The following DNER variants were observed in gnomAD, a reference collection of about 807,000 sequenced individuals.
DNER encodes delta/notch like EGF repeat containing.
A neutral mutation model predicts 78.2 loss-of-function variants in DNER; 33 were observed. The ratio of observed to expected loss-of-function variants is 0.42; its 90% CI spans 0.32 to 0.56. The LOEUF (loss-of-function observed/expected upper bound fraction) is 0.56, where lower values mean the gene tolerates loss of function less well. DNER is among the 20% of genes least tolerant of loss of function. DNER has a pLI of 0.11. For synonymous variants in DNER, 417 were observed against 384.8 expected, an observed-to-expected ratio of 1.08 and a Z score of -0.98; for missense variants, 918 against 975.3, an observed-to-expected ratio of 0.94 and a Z score of 0.78.
chr2:229,499,444 CA>C (rs777417272), intron 6 of DNER, among the ~76,000 whole-genome samples: 330 of 74,778 alleles, frequency 4.4e-3, no homozygotes, highest in Middle Eastern at 0.021. Flanking sequence ...GACTCCAACT[CA>C]AAAAAAAAAA....
rs201567669 is a variant in DNER, at chr2:229,582,797, G to A, written c.847+3061C>T. Among the ~76,000 whole-genome samples, 16 of 152,012 alleles carry A rather than the reference G, an allele frequency of 1.1e-4. No individual in the cohort carries two copies. The East Asian group carries it at 1.7e-3, about 17-fold the overall frequency. ...TGGGACTACAAGTGCCCATCACCAC[G>A]CCCGGCTAATTTCTTGTATTTTTAG... On this transcript the variant is annotated intron_variant, in intron 4 of 12. Coordinates refer to ENST00000341772, the MANE Select transcript of DNER (RefSeq NM_139072.4).
intron 1 of DNER, among the ~76,000 whole-genome samples, chr2:229,630,812 C>T (rs570759300): frequency 3.3e-5 from 5 of 152,154 alleles, no homozygotes; most frequent in African/African-American, 1.2e-4. Context: ...CTCTTGTAGT[C>T]CCCAATGTCT....
chr2:229,581,138 T>G (rs1697389209), intron 4 of DNER, among the ~76,000 whole-genome samples: 1 of 152,084 alleles, frequency 6.6e-6, no homozygotes, highest in South Asian at 2.1e-4. Context: ...CCAAAGGAAA[T>G]GGTGACCTTC....
intron 8 of DNER, among the ~76,000 whole-genome samples, chr2:229,446,607 G>T (rs1694348506): frequency 6.6e-6 from 1 of 152,186 alleles, no homozygotes; most frequent in Non-Finnish European, 1.5e-5. Context: ...GACATACACA[G>T]AATAGAAACG....
intron 10 of DNER, among the ~76,000 whole-genome samples, chr2:229,400,260 A>T (rs1218193538): frequency 1.3e-5 from 2 of 152,084 alleles, no homozygotes. Flanking sequence ...ATAGACAAAG[A>T]TAACTACATC....
chr2:229,421,329 A>G (rs1693758512), intron 8 of DNER, among the ~76,000 whole-genome samples: 1 of 152,144 alleles, frequency 6.6e-6, no homozygotes, highest in Admixed American at 6.6e-5. Flanking sequence ...CAAGATGAAT[A>G]AGTTCCAGAT....
intron 1 of DNER, among the ~76,000 whole-genome samples, chr2:229,712,160 C>T (rs1427695014): frequency 6.6e-6 from 1 of 152,216 alleles, no homozygotes; most frequent in Non-Finnish European, 1.5e-5. Context: ...GGTGTTCACA[C>T]AGCTAAGCCT....
intron 1 of DNER, among the ~76,000 whole-genome samples, chr2:229,632,023 G>A (rs915821351): frequency 2.0e-4 from 30 of 152,258 alleles, no homozygotes; most frequent in Admixed American, 8.5e-4. Context: ...AATAAACTCT[G>A]CACTACAGAA....
At chr2:229,589,002 G>A (rs1418638016) in intron 2 of DNER, among the ~76,000 whole-genome samples, 1 of 152,220 alleles carries the variant, frequency 6.6e-6, no homozygotes, top group Non-Finnish European at 1.5e-5. Flanking sequence ...GAGCTTGAAC[G>A]CTGCCTTTCT....
At chr2:229,567,530 A>G (rs1369307643) in intron 4 of DNER, among the ~76,000 whole-genome samples, 4 of 152,208 alleles carry the variant, frequency 2.6e-5, no homozygotes, top group Admixed American at 6.5e-5. Flanking sequence ...AGTGATGAGA[A>G]CCAACTGGCT....
rs570936001 is a variant in DNER at position 229,390,072 on chromosome 2, T to C, written c.1724-1676A>G. The stretch of plus-strand genomic sequence containing the variant: ...ATATGATCAGGAACATGCTGAGAAA[T>C]GTTAAAAGGATGAAATCAAAGACCT... On this transcript the variant is annotated intron_variant, in intron 10 of 12. Coordinates refer to ENST00000341772, the MANE Select transcript of DNER (RefSeq NM_139072.4). Among the ~76,000 whole-genome samples the C allele has an allele frequency of 7.2e-5, 11 of 152,302 alleles. 1 individual carries two copies. Among genetic ancestry groups the C allele is most frequent in the Middle Eastern group, 6.8e-3 (2 of 294 alleles).
chr2:229,382,234 A>G (rs556374106), intron 11 of DNER, among the ~76,000 whole-genome samples: 119 of 152,334 alleles, frequency 7.8e-4, no homozygotes, highest in African/African-American at 2.6e-3. Flanking sequence ...AACAAAAAGG[A>G]TGTCCACACA....
chr2:229,435,480 A>C (rs1694103394), intron 8 of DNER, among the ~76,000 whole-genome samples: 1 of 152,254 alleles, frequency 6.6e-6, no homozygotes, highest in Admixed American at 6.5e-5. Flanking sequence ...GCAATGACTA[A>C]CTAATACAAA....
intron 7 of DNER, among the ~76,000 whole-genome samples, chr2:229,475,403 C>T (rs1393222192): frequency 2.6e-5 from 4 of 152,188 alleles, no homozygotes; most frequent in African/African-American, 9.6e-5. Context: ...CCCGCAACTG[C>T]GCCATCTCCT....
chr2:229,588,428 C>T lies in DNER; in HGVS notation c.646G>A (p.Val216Ile). ...SSNSSAGGRL[V>I]SFEVPQNTSV... ...GTGTTCTGTGGCACTTCAAAGGATA[C>T]CAGGCGGCCACCCGCAGAGCTGTTA... is the stretch of plus-strand genomic sequence containing the variant. The change falls in exon 3 of 13, where the codon GTA becomes ATA. Residue 216 changes from valine (V) to isoleucine (I), a missense_variant. By Grantham distance (29) the Val-to-Ile change is conservative. Transcript: ENST00000341772. The T allele has an allele frequency of 6.2e-7, 1 of 1,613,904 alleles. No homozygotes were observed. Among genetic ancestry groups the T allele is most frequent in the Non-Finnish European group, 8.5e-7 (1 of 1,179,956 alleles).
intron 1 of DNER, among the ~76,000 whole-genome samples, chr2:229,601,098 A>G (rs1697817841): frequency 6.6e-6 from 1 of 152,208 alleles, no homozygotes; most frequent in Non-Finnish European, 1.5e-5. Context: ...CTGTAAAAGG[A>G]AGGGATGGGA....
At chr2:229,443,504 T>G (rs892453207) in intron 8 of DNER, among the ~76,000 whole-genome samples, 3 of 152,244 alleles carry the variant, frequency 2.0e-5, no homozygotes, top group Admixed American at 6.5e-5. Flanking sequence ...AACATTTCAG[T>G]AATTACTCAG....
chr2:229,447,834 G>A (rs1402026563), intron 7 of DNER, among the ~76,000 whole-genome samples: 1 of 152,116 alleles, frequency 6.6e-6, no homozygotes, highest in Non-Finnish European at 1.5e-5. Context: ...ATATGAACAT[G>A]TGTGTATACT....
chr2:229,368,346 G>A (rs755148737), intron 11 of DNER, among the ~76,000 whole-genome samples: 12 of 152,170 alleles, frequency 7.9e-5, no homozygotes, highest in Non-Finnish European at 1.5e-4. Flanking sequence ...CTGGGCAACA[G>A]AGTGAGACCC....
Sources: gnomAD v4.1 joint callset for allele counts (sites outside exome capture counted in the v4.1 genomes callset) on GRCh38, gnomAD v4.1.1 for gene constraint, MANE v1.5 for transcripts, NCBI Gene and HGNC (gene_info 2026-07-23, HGNC 2026-07-21) for gene names.